The following TLE4 variants were observed in gnomAD, a reference collection of about 807,000 sequenced individuals.
TLE4 encodes the protein transducin-like enhancer protein 4.
A neutral mutation model predicts 92.8 loss-of-function variants in TLE4; 8 were observed. The observed-to-expected ratio is 0.09, with a 90% CI of 0.05 to 0.16. The LOEUF is 0.16. Among genes scored for constraint, TLE4 ranks in the 10% least tolerant of loss-of-function variants. The probability of loss-of-function intolerance (pLI) is 1.00; values close to 1 mark genes in which losing one functional copy is unlikely to be tolerated. For synonymous variants in TLE4, 371 were observed against 374.1 expected (o/e 0.99, Z 0.10); for missense variants, 675 against 997.6 (o/e 0.68, Z 4.36).
intron 5 of TLE4, among the ~76,000 whole-genome samples, chr9:79,623,790 A>C (rs1328649891): frequency 1.3e-5 from 2 of 151,948 alleles, no homozygotes; most frequent in Non-Finnish European, 2.9e-5. Flanking sequence ...GTCTCTTCAA[A>C]ATCCCAGTTA....
chr9:79,712,150 T>A (rs2073456624), intron 14 of TLE4, among the ~76,000 whole-genome samples: 1 of 152,210 alleles, frequency 6.6e-6, no homozygotes, highest in South Asian at 2.1e-4. Context: ...GGTGGCTGTT[T>A]AGTCAACCCC....
chr9:79,720,439 T>C, intron 16 of TLE4, 146 bp downstream of exon 16: 2 of 1,120,020 alleles, frequency 1.8e-6, no homozygotes, highest in Non-Finnish European at 1.2e-6. Flanking sequence ...GTGATATAAT[T>C]ATCTTACTAA....
At chr9:79,679,967 T>C (rs1000129574) in intron 8 of TLE4, among the ~76,000 whole-genome samples, 3 of 152,046 alleles carry the variant, frequency 2.0e-5, no homozygotes, top group Admixed American at 6.5e-5. Context: ...TTCTGTTCCA[T>C]TGATCTATAT....
chr9:79,655,462 C>T (rs2059650123), intron 8 of TLE4, among the ~76,000 whole-genome samples: 1 of 151,898 alleles, frequency 6.6e-6, no homozygotes, highest in African/African-American at 2.4e-5. Flanking sequence ...TTTTCAGAGC[C>T]CTTAAGTAAT....
intron 14 of TLE4, chr9:79,718,024 T>C (rs759473774): frequency 2.2e-6 from 1 of 456,664 alleles, no homozygotes. Flanking sequence ...ACCTGAGGGC[T>C]TTCCCTGGAA....
intron 8 of TLE4, among the ~76,000 whole-genome samples, chr9:79,691,940 A>G (rs553472835): frequency 1.7e-4 from 26 of 152,232 alleles, no homozygotes; most frequent in Non-Finnish European, 1.5e-5. Flanking sequence ...GCTCTGTGAG[A>G]ACAAGGTCCC....
chr9:79,632,342 T>C (rs1365405825), intron 6 of TLE4, among the ~76,000 whole-genome samples: 1 of 152,210 alleles, frequency 6.6e-6, no homozygotes, highest in Non-Finnish European at 1.5e-5. Context: ...TTGCCCACAG[T>C]AGTGATAGGC....
intron 8 of TLE4, among the ~76,000 whole-genome samples, chr9:79,679,288 T>C (rs951577218): frequency 6.6e-6 from 1 of 152,112 alleles, no homozygotes; most frequent in Non-Finnish European, 1.5e-5. Flanking sequence ...CACCTGTTGT[T>C]TCCTGACTTT....
intron 8 of TLE4, among the ~76,000 whole-genome samples, chr9:79,666,195 G>A (rs545864423): frequency 1.0e-4 from 14 of 139,676 alleles, no homozygotes; most frequent in Non-Finnish European, 1.9e-4. Context: ...GTGTGTGTGT[G>A]TGGGTGGGGT....
intron 8 of TLE4, among the ~76,000 whole-genome samples, chr9:79,702,736 C>A (rs746308211): frequency 4.6e-5 from 7 of 152,096 alleles, no homozygotes; most frequent in Non-Finnish European, 7.4e-5. Flanking sequence ...TTTAGAGGTC[C>A]CCAGCCCGCC....
intron 8 of TLE4, among the ~76,000 whole-genome samples, chr9:79,688,345 G>A (rs1342897175): frequency 6.6e-6 from 1 of 152,050 alleles, no homozygotes; most frequent in Non-Finnish European, 1.5e-5. Context: ...TCATTTCACA[G>A]TAATGGTAGA....
At chr9:79,605,876 G>A (rs1018485289) in intron 4 of TLE4, among the ~76,000 whole-genome samples, 2 of 152,104 alleles carry the variant, frequency 1.3e-5, no homozygotes, top group Non-Finnish European at 2.9e-5. Flanking sequence ...AGTTGACATT[G>A]CTTGTGGTAT....
chr9:79,663,616 T>A (rs1360441465), intron 8 of TLE4: 1 of 152,218 alleles, frequency 6.6e-6, no homozygotes, highest in African/African-American at 2.4e-5. Context: ...ATGTGTGTAT[T>A]CGGGTTTGGG....
chr9:79,604,683 G>A (rs1201315175), intron 4 of TLE4, among the ~76,000 whole-genome samples: 3 of 152,128 alleles, frequency 2.0e-5, no homozygotes. Flanking sequence ...CCAAAAAATA[G>A]AGCATGGCTC....
At chr9:79,704,710 C>T in intron 8 of TLE4, 73 bp from the exon 9 acceptor site, 1 of 1,556,578 alleles carries the variant, frequency 6.4e-7, no homozygotes, top group Non-Finnish European at 8.6e-7. Context: ...AAGAAAGTCT[C>T]AAGTGACTTA....
intron 6 of TLE4, among the ~76,000 whole-genome samples, chr9:79,629,393 T>C (rs1286027718): frequency 6.6e-6 from 1 of 152,180 alleles, no homozygotes; most frequent in East Asian, 1.9e-4. Context: ...CATTTTTATA[T>C]ACTTTATTTG....
chr9:79,599,300 G>A (rs1047110870), intron 4 of TLE4, among the ~76,000 whole-genome samples: 12 of 152,122 alleles, frequency 7.9e-5, no homozygotes, highest in African/African-American at 2.9e-4. Context: ...TTTATTGCAT[G>A]CATCCTGTGC....
At chr9:79,580,790 G>T (rs891380040) in intron 4 of TLE4, among the ~76,000 whole-genome samples, 2 of 151,800 alleles carry the variant, frequency 1.3e-5, no homozygotes, top group Admixed American at 6.6e-5. Flanking sequence ...AAGATGGGGT[G>T]TTCTAGCTGA....
At chr9:79,574,101 CT>C in intron 2 of TLE4, 1 of 199,150 alleles carries the variant, frequency 5.0e-6, no homozygotes, top group East Asian at 1.1e-4. Flanking sequence ...ATTCTGGGGC[CT>C]TTTGACATCC....
Sources: allele counts gnomAD v4.1 joint callset (sites outside exome capture counted in the v4.1 genomes callset), GRCh38; gene constraint gnomAD v4.1.1; transcripts MANE v1.5; gene names NCBI Gene and HGNC (gene_info 2026-07-23, HGNC 2026-07-21).